Variants in SRD5A3 observed in about 807,000 individuals in gnomAD.
SRD5A3 encodes polyprenal reductase.
Under a neutral mutation model 34.3 loss-of-function variants are expected in SRD5A3, and 24 were observed. That is an observed-to-expected ratio of 0.70 (90% CI 0.51 to 0.99). The LOEUF is 0.99. Ranked by LOEUF, SRD5A3 falls within the 50% of genes least tolerant of loss-of-function variation. The probability of loss-of-function intolerance (pLI) is 0.00; values close to 1 mark genes in which losing one functional copy is unlikely to be tolerated. For missense variants in SRD5A3, 350 were observed against 388.2 expected, an observed-to-expected ratio of 0.90 and a Z score of 0.83; for synonymous variants, 161 against 167.3, an observed-to-expected ratio of 0.96 and a Z score of 0.29.
chr4:55,370,520 A>G lies in SRD5A3; in HGVS notation c.*429A>G. 1 of 213,846 alleles carries G rather than the reference A, an allele frequency of 4.7e-6. No homozygotes were observed. The highest frequency in any genetic ancestry group is 7.8e-5 in the South Asian group (1 of 12,874). The allele number at this position is 213,846 out of a possible 1,614,324, so 13.2% of individuals were successfully genotyped here. A position where few individuals can be genotyped will look rare whatever the true frequency, so the allele number is the denominator to read the frequency against. ...CGGTAGCCTAGTAGGAATGGACTAT[A>G]TAATAATATAGCAGGTGCTCAATAA... On this transcript the variant is annotated 3_prime_UTR_variant, in exon 5 of 5. Transcript: ENST00000264228.
intron 1 of SRD5A3, among the ~76,000 whole-genome samples, chr4:55,353,490 G>A (rs2109465056): frequency 6.6e-6 from 1 of 152,306 alleles, no homozygotes; most frequent in East Asian, 1.9e-4. Context: ...GGCCAAATAA[G>A]GGAATAAAAG....
intron 2 of SRD5A3, among the ~76,000 whole-genome samples, chr4:55,360,375 A>G (rs1340352055): frequency 3.0e-4 from 44 of 146,658 alleles, no homozygotes; most frequent in Admixed American, 2.9e-3. Context: ...GTGTGGTGGC[A>G]GGCGCTTGTA....
rs114849072 is a variant in SRD5A3, at chr4:55,347,846, A to G, written c.221+1289A>G. 3.0e-3 allele frequency among the ~76,000 whole-genome samples: 451 copies of G among 152,366 alleles called. 1 individual carries two copies. The highest frequency in any genetic ancestry group is 0.011 in the African/African-American group (440 of 41,584). ...CTGAGGCACCCTAAAGGGAAGAAGT[A>G]GAAGTACATGAAACAAATTGATCAA... On this transcript the variant is annotated intron_variant, in intron 1 of 4. Transcript: ENST00000264228.
Position 55,346,567 on chromosome 4 carries a change from C to G in SRD5A3, c.221+10C>G. The G allele has an allele frequency of 6.4e-7, 1 of 1,570,712 alleles. No individual in the cohort carries two copies. Among genetic ancestry groups the G allele is most frequent in the Non-Finnish European group, 8.6e-7 (1 of 1,159,454 alleles). ...TTGATGTCCCCAAGAGGTAACCGCG[C>G]CCCGGTCCCGAGCCGCGGTGGTCAA... is the stretch of plus-strand genomic sequence containing the variant. On this transcript the variant is annotated intron_variant, in intron 1 of 4. Coordinates refer to ENST00000264228, the MANE Select transcript of SRD5A3 (RefSeq NM_024592.5).
At chr4:55,368,389 T>C (rs1014296132) in intron 4 of SRD5A3, among the ~76,000 whole-genome samples, 23 of 143,338 alleles carry the variant, frequency 1.6e-4, no homozygotes, top group African/African-American at 6.1e-4. Context: ...AAAAAAAAAT[T>C]GAATAGTTTT....
chr4:55,364,527 A>T (rs1328737731), intron 3 of SRD5A3: 2 of 474,624 alleles, frequency 4.2e-6, no homozygotes, highest in Admixed American at 6.7e-5. Flanking sequence ...CCTGGCCAAC[A>T]TGGTGAAACT....
Position 55,346,273 on chromosome 4 carries a change from C to T in SRD5A3, c.-64C>T, listed in dbSNP as rs1018975392. On this transcript the variant is annotated 5_prime_UTR_variant, in exon 1 of 5. Coordinates refer to ENST00000264228, the MANE Select transcript of SRD5A3 (RefSeq NM_024592.5). ...AGACCGGTGCGCCGCGCGCTAGTGG[C>T]CGCTCTTCCGCGGGCTAGCGGGCGG... The T allele has an allele frequency of 1.1e-5, 14 of 1,322,472 alleles. No homozygotes were observed. Among genetic ancestry groups the T allele is most frequent in the Non-Finnish European group, 1.4e-5 (14 of 1,033,414 alleles). The allele number at this position is 1,322,472 out of a possible 1,614,324, so 81.9% of individuals were successfully genotyped here.
At chr4:55,356,000 A>ATTTTTTTTTTTTTTTTTTTTTTTTTTT (rs10648522) in intron 1 of SRD5A3, among the ~76,000 whole-genome samples, 10 of 74,264 alleles carry the variant, frequency 1.3e-4, no homozygotes, top group African/African-American at 1.6e-4. Context: ...TTTTGCCTCC[A>ATTTTTTTTTTTTTTTTTTTTTTTTTTT]TTTTTTTTTT....
chr4:55,362,522 A>G (rs1374350331), intron 2 of SRD5A3, among the ~76,000 whole-genome samples: 1 of 151,960 alleles, frequency 6.6e-6, no homozygotes, highest in Non-Finnish European at 1.5e-5. Context: ...TGGCATGATC[A>G]TAGCTCACTG....
chr4:55,360,052 A>G (rs1355675323), intron 2 of SRD5A3, among the ~76,000 whole-genome samples: 7 of 151,870 alleles, frequency 4.6e-5, no homozygotes, highest in South Asian at 4.1e-4. Flanking sequence ...CTCTACTAAA[A>G]ATACAAAAAA....
intron 1 of SRD5A3, chr4:55,352,243 A>G (rs1376688524): frequency 4.3e-6 from 4 of 921,632 alleles, no homozygotes; most frequent in African/African-American, 3.3e-5. Context: ...TATTGGAAAA[A>G]TAAGCAGGTA....
chr4:55,357,172 T>C (rs1022166556), intron 1 of SRD5A3, among the ~76,000 whole-genome samples: 2 of 152,206 alleles, frequency 1.3e-5, no homozygotes, highest in Admixed American at 1.3e-4. Flanking sequence ...CCCAGCATTA[T>C]GCTAGATGTC....
intron 1 of SRD5A3, among the ~76,000 whole-genome samples, chr4:55,353,157 G>A (rs1719261958): frequency 6.6e-6 from 1 of 152,212 alleles, no homozygotes; most frequent in South Asian, 2.1e-4. Context: ...GTGCATTAGA[G>A]TATTAGCATA....
chr4:55,351,507 G>A (rs1051249859), intron 1 of SRD5A3, among the ~76,000 whole-genome samples: 3 of 151,804 alleles, frequency 2.0e-5, no homozygotes, highest in South Asian at 2.1e-4. Context: ...CTAAAAATAC[G>A]TAAAATACAA....
chr4:55,366,861 C>CA (rs1719919193), intron 3 of SRD5A3: 1 of 152,550 alleles, frequency 6.6e-6, no homozygotes, highest in Non-Finnish European at 1.5e-5. Flanking sequence ...CGCAGGTCCT[C>CA]AGAAGGTCTG....
chr4:55,351,657 C>CA (rs34820507), intron 1 of SRD5A3, among the ~76,000 whole-genome samples: 42 of 141,142 alleles, frequency 3.0e-4, no homozygotes, highest in East Asian at 1.4e-3. Context: ...AACTTCATCT[C>CA]AAAAAAAAAA....
At chr4:55,368,457 C>A (rs1719991638) in intron 4 of SRD5A3, among the ~76,000 whole-genome samples, 1 of 149,446 alleles carries the variant, frequency 6.7e-6, no homozygotes, top group Admixed American at 6.7e-5. Flanking sequence ...TGGAGTCTTG[C>A]TCTGTTACCC....
At chr4:55,365,047 A>G (rs996897810) in intron 3 of SRD5A3, among the ~76,000 whole-genome samples, 2 of 152,222 alleles carry the variant, frequency 1.3e-5, no homozygotes, top group Non-Finnish European at 2.9e-5. Context: ...TGTAAAAACA[A>G]TGCATGATTA....
In SRD5A3 at chr4:55,372,391, C is replaced by G. The variant is rs1578215459; in HGVS notation, c.*2300C>G. 6.6e-6 allele frequency: 1 copy of G among 152,198 alleles called. No homozygotes were observed. The highest frequency in any genetic ancestry group is 2.4e-5 in the African/African-American group (1 of 41,452). 9.4% of individuals were successfully genotyped at this position (152,198 alleles called of 1,614,324 possible). Reference sequence around the variant, plus strand: ...CCTGTTTCCTGCTGTCTCTCTCCCACTCATCCCTGTTTCTTACTCATCCCT... The same window carrying G: ...CCTGTTTCCTGCTGTCTCTCTCCCAGTCATCCCTGTTTCTTACTCATCCCT... On this transcript the variant is annotated 3_prime_UTR_variant, in exon 5 of 5. Coordinates refer to ENST00000264228, the MANE Select transcript of SRD5A3 (RefSeq NM_024592.5).
Sources: allele counts gnomAD v4.1 joint callset (sites outside exome capture counted in the v4.1 genomes callset), GRCh38; gene constraint gnomAD v4.1.1; transcripts MANE v1.5; gene names NCBI Gene and HGNC (gene_info 2026-07-23, HGNC 2026-07-21).